Variants in ZNF146 observed in about 807,000 individuals in gnomAD.
ZNF146 encodes zinc finger protein 146.
Under a neutral mutation model 22.2 loss-of-function variants are expected in ZNF146, and 9 were observed. That is an observed-to-expected ratio of 0.41 (90% CI 0.24 to 0.71). The LOEUF is 0.71. Among genes scored for constraint, ZNF146 ranks in the 30% least tolerant of loss-of-function variants. The pLI is 0.34. For synonymous variants in ZNF146, 108 were observed against 119.2 expected (o/e 0.91, Z 0.61); for missense variants, 194 against 344.8 (o/e 0.56, Z 3.46).
intron 2 of ZNF146, among the ~76,000 whole-genome samples, chr19:36,221,728 C>T (rs1038217368): frequency 6.6e-6 from 1 of 151,910 alleles, no homozygotes; most frequent in Non-Finnish European, 1.5e-5. Flanking sequence ...CTTATGTAAA[C>T]ATGTCTTGTT....
chr19:36,231,813 G>A (rs977964424), intron 3 of ZNF146, among the ~76,000 whole-genome samples: 3 of 151,986 alleles, frequency 2.0e-5, no homozygotes, highest in African/African-American at 4.8e-5. Flanking sequence ...GGCCAGGCAC[G>A]GTGGCTCACA....
intron 1 of ZNF146, among the ~76,000 whole-genome samples, chr19:36,216,697 C>G (rs777421456): frequency 6.6e-6 from 1 of 152,066 alleles, no homozygotes; most frequent in Non-Finnish European, 1.5e-5. Context: ...TATGGACAGG[C>G]TTTTCTCTTT....
intron 1 of ZNF146, among the ~76,000 whole-genome samples, chr19:36,217,032 C>G (rs1019694623): frequency 2.9e-5 from 4 of 139,738 alleles, no homozygotes; most frequent in Admixed American, 7.4e-5. Context: ...AGCATTCCAG[C>G]TTGGTGGACA....
intron 3 of ZNF146, among the ~76,000 whole-genome samples, chr19:36,231,927 A>G (rs1237646099): frequency 6.6e-6 from 1 of 151,212 alleles, no homozygotes; most frequent in Admixed American, 6.6e-5. Context: ...AAAAGGCCAG[A>G]CTCGGTGGTT....
chr19:36,225,752 CTTTT>C (rs67760026), intron 2 of ZNF146, among the ~76,000 whole-genome samples: 26 of 66,722 alleles, frequency 3.9e-4, no homozygotes, highest in South Asian at 1.0e-3. Context: ...CTTTGTGATT[CTTTT>C]TTTTTTTTTT....
intron 2 of ZNF146, among the ~76,000 whole-genome samples, chr19:36,224,077 T>C (rs1482700328): frequency 2.0e-5 from 3 of 152,186 alleles, no homozygotes; most frequent in Non-Finnish European, 4.4e-5. Context: ...TTCTTTGACA[T>C]CATTTATTAA....
chr19:36,215,822 G>T (rs1456841641), intron 1 of ZNF146, among the ~76,000 whole-genome samples: 1 of 152,110 alleles, frequency 6.6e-6, no homozygotes, highest in African/African-American at 2.4e-5. Flanking sequence ...CCATATAACG[G>T]CGCCCAGGAT....
chr19:36,232,047 AC>A, intron 3 of ZNF146, among the ~76,000 whole-genome samples: 1 of 152,232 alleles, frequency 6.6e-6, no homozygotes, highest in Admixed American at 6.5e-5. Flanking sequence ...TATTAAAAAT[AC>A]AAAAACTAGC....
At chr19:36,234,487 T>TC (rs1485716148) in intron 3 of ZNF146, among the ~76,000 whole-genome samples, 1 of 152,322 alleles carries the variant, frequency 6.6e-6, no homozygotes, top group East Asian at 1.9e-4. Flanking sequence ...CAGAATGCCT[T>TC]CCATAGTTTT....
chr19:36,231,988 A>G (rs1442777988), intron 3 of ZNF146, among the ~76,000 whole-genome samples: 1 of 151,976 alleles, frequency 6.6e-6, no homozygotes, highest in Non-Finnish European at 1.5e-5. Flanking sequence ...AGATCACCTG[A>G]GGTCAAGAGT....
At position 36,237,429 on chromosome 19, in the gene ZNF146, T is replaced by C. The variant is rs1195686139; in HGVS notation, c.*110T>C. 2.2e-6 allele frequency: 3 copies of C among 1,354,140 alleles called. No individual in the cohort carries two copies. Among genetic ancestry groups the C allele is most frequent in the African/African-American group, 3.0e-5 (2 of 67,690 alleles). The allele number at this position is 1,354,140 out of a possible 1,614,324, so 83.9% of individuals were successfully genotyped here. Reference sequence around the variant, plus strand: ...AAAGCACCACGAATGAGGTTAACTTTAACAAGTACTAAAAACTTAAGGGAC... The same window carrying C: ...AAAGCACCACGAATGAGGTTAACTTCAACAAGTACTAAAAACTTAAGGGAC... On this transcript the variant is annotated 3_prime_UTR_variant, in exon 4 of 4. Coordinates refer to ENST00000443387, the MANE Select transcript of ZNF146 (RefSeq NM_007145.3).
At chr19:36,227,158 G>A (rs1257213435) in intron 2 of ZNF146, among the ~76,000 whole-genome samples, 1 of 151,990 alleles carries the variant, frequency 6.6e-6, no homozygotes, top group Non-Finnish European at 1.5e-5. Flanking sequence ...GGAGGCAGAG[G>A]TGGGCGGATC....
intron 3 of ZNF146, among the ~76,000 whole-genome samples, chr19:36,230,352 C>G (rs1029826710): frequency 5.9e-5 from 9 of 152,160 alleles, no homozygotes; most frequent in African/African-American, 2.2e-4. Context: ...TCAAAAATTT[C>G]TTCCTCCTAG....
intron 2 of ZNF146, among the ~76,000 whole-genome samples, chr19:36,219,119 T>A (rs1197266928): frequency 6.6e-6 from 1 of 152,178 alleles, no homozygotes; most frequent in African/African-American, 2.4e-5. Flanking sequence ...CTTAAAATTT[T>A]CTGTGGATAT....
intron 1 of ZNF146, among the ~76,000 whole-genome samples, chr19:36,215,829 G>C (rs1234109063): frequency 6.6e-6 from 1 of 152,138 alleles, no homozygotes; most frequent in African/African-American, 2.4e-5. Context: ...ACGGCGCCCA[G>C]GATGAGGGAG....
intron 3 of ZNF146, among the ~76,000 whole-genome samples, chr19:36,229,939 C>T (rs1977250383): frequency 1.3e-5 from 2 of 152,132 alleles, no homozygotes; most frequent in Non-Finnish European, 2.9e-5. Context: ...AGGCTGGTCT[C>T]CAACTCCTAT....
intron 2 of ZNF146, among the ~76,000 whole-genome samples, chr19:36,226,552 CTCTT>C (rs1371748919): frequency 1.3e-5 from 2 of 152,182 alleles, no homozygotes; most frequent in Non-Finnish European, 2.9e-5. Context: ...TTTTCCTTCT[CTCTT>C]TCTCCAAATG....
Position 36,238,199 on chromosome 19 carries a change from A to AG in ZNF146, c.*886dup, listed in dbSNP as rs1027125246. On this transcript the variant is annotated 3_prime_UTR_variant, in exon 4 of 4. Transcript: ENST00000443387. ...TAACAGAAAGATCCCAGAATTGTTG[A>AG]GGGGGGATCAAGTTGCAGAATGATA... 6.6e-5 allele frequency: 11 copies of AG among 167,234 alleles called. No homozygotes were observed. The highest frequency in any genetic ancestry group is 2.6e-4 in the African/African-American group (11 of 41,592). The allele number at this position is 167,234 out of a possible 1,614,324, so 10.4% of individuals were successfully genotyped here. A position where few individuals can be genotyped will look rare whatever the true frequency, so the allele number is the denominator to read the frequency against.
intron 1 of ZNF146, among the ~76,000 whole-genome samples, chr19:36,215,631 A>T (rs1322654780): frequency 2.0e-5 from 3 of 152,094 alleles, no homozygotes; most frequent in Admixed American, 1.3e-4. Context: ...ATTTCTTTTT[A>T]ATTGGAGTGG....
Sources: gnomAD v4.1 joint callset for allele counts (sites outside exome capture counted in the v4.1 genomes callset) on GRCh38, gnomAD v4.1.1 for gene constraint, MANE v1.5 for transcripts, NCBI Gene and HGNC (gene_info 2026-07-23, HGNC 2026-07-21) for gene names.